Variants in KPNB1 observed in about 807,000 individuals in gnomAD.
The protein encoded by KPNB1 is importin subunit beta-1.
KPNB1 carries 7 observed loss-of-function variants against 113.0 expected under a neutral mutation model. The ratio of observed to expected loss-of-function variants is 0.06; its 90% confidence interval spans 0.04 to 0.12. The LOEUF (loss-of-function observed/expected upper bound fraction) is 0.12, where lower values mean the gene tolerates loss of function less well. Among genes scored for constraint, KPNB1 ranks in the 10% least tolerant of loss-of-function variants. The pLI, the probability that KPNB1 is intolerant of heterozygous loss-of-function variation, is 1.00. For synonymous variants in KPNB1, 363 were observed against 378.6 expected (o/e 0.96, Z 0.48); for missense variants, 400 against 1,054.8 (o/e 0.38, Z 8.60).
At chr17:47,657,141 A>G (rs2143100818) in intron 4 of KPNB1, 81 bp downstream of exon 4, 3 of 1,168,490 alleles carry the variant, frequency 2.6e-6, no homozygotes, top group East Asian at 5.1e-5. Flanking sequence ...GTACTACCTT[A>G]TTGAATCACG....
At chr17:47,667,877 C>A (rs985267091) in intron 9 of KPNB1, among the ~76,000 whole-genome samples, 1 of 152,146 alleles carries the variant, frequency 6.6e-6, no homozygotes, top group African/African-American at 2.4e-5. Flanking sequence ...CTTTACATAA[C>A]TGGAATCATA....
intron 4 of KPNB1, among the ~76,000 whole-genome samples, chr17:47,657,756 G>C (rs1567888511): frequency 6.6e-6 from 1 of 152,230 alleles, no homozygotes; most frequent in Non-Finnish European, 1.5e-5. Flanking sequence ...ATTATGCTAA[G>C]AAGTCAAAGA....
chr17:47,680,497 G>A lies in KPNB1; in HGVS notation c.2469-11G>A. The A allele has an allele frequency of 6.2e-7, 1 of 1,613,982 alleles. No homozygotes were observed. Among genetic ancestry groups the A allele is most frequent in the Non-Finnish European group, 8.5e-7 (1 of 1,179,896 alleles). Reference sequence around the variant, plus strand: ...TAGGAGCTCATTCTCAGCTGTGTTTGTTTTGCACAGGGACTTATGTACAGC... The same window carrying A: ...TAGGAGCTCATTCTCAGCTGTGTTTATTTTGCACAGGGACTTATGTACAGC... On this transcript the variant is annotated splice_polypyrimidine_tract_variant and intron_variant, in intron 20 of 21. Coordinates refer to ENST00000290158, the MANE Select transcript of KPNB1 (RefSeq NM_002265.6).
intron 9 of KPNB1, among the ~76,000 whole-genome samples, chr17:47,666,559 TATA>T (rs2030290708): frequency 1.4e-5 from 2 of 144,920 alleles, no homozygotes; most frequent in African/African-American, 2.5e-5. Flanking sequence ...TATATTATGT[TATA>T]TGTTATATAT....
At chr17:47,668,104 C>T in intron 9 of KPNB1, 82 bp from the exon 10 acceptor site, 3 of 1,047,438 alleles carry the variant, frequency 2.9e-6, no homozygotes, top group Non-Finnish European at 4.3e-6. Flanking sequence ...GTTCTAAAGA[C>T]ATTCAAGAGT....
At chr17:47,654,181 G>A (rs1017510218) in intron 3 of KPNB1, among the ~76,000 whole-genome samples, 1 of 152,098 alleles carries the variant, frequency 6.6e-6, no homozygotes, top group South Asian at 2.1e-4. Flanking sequence ...TTGAGAGGCC[G>A]AGGTGGGTGG....
In KPNB1 at chr17:47,652,622, G is replaced by A. The variant is rs1056527008; in HGVS notation, c.100-72G>A. 22 of 1,284,508 alleles carry A rather than the reference G, an allele frequency of 1.7e-5. No individual in the cohort carries two copies. The African/African-American group carries it at 2.3e-4, about 13-fold the overall frequency. 79.6% of individuals were successfully genotyped at this position (1,284,508 alleles called of 1,614,324 possible). Reference sequence around the variant, plus strand: ...CTCGCCGCCCCTCTGGTGGTTCAGTGCTCTATAAATTATCCTCAGTTGTGG... The same window carrying A: ...CTCGCCGCCCCTCTGGTGGTTCAGTACTCTATAAATTATCCTCAGTTGTGG... On this transcript the variant is annotated intron_variant, in intron 2 of 21. Transcript: ENST00000290158.
intron 3 of KPNB1, among the ~76,000 whole-genome samples, chr17:47,655,930 A>G (rs1370766306): frequency 6.6e-6 from 1 of 152,132 alleles, no homozygotes; most frequent in Non-Finnish European, 1.5e-5. Flanking sequence ...GTTTTTTCTG[A>G]CAGCCTTTCC....
chr17:47,679,987 G>T (rs144626647), intron 19 of KPNB1, 33 bp from the exon 20 acceptor site: 17 of 1,466,878 alleles, frequency 1.2e-5, no homozygotes, highest in Non-Finnish European at 1.6e-5. Context: ...ATGAGCCACC[G>T]CACCCGACCA....
intron 5 of KPNB1, among the ~76,000 whole-genome samples, chr17:47,659,900 A>C (rs554219396): frequency 6.7e-6 from 1 of 148,480 alleles, no homozygotes; most frequent in Non-Finnish European, 1.5e-5. Context: ...TCTGTCTCCA[A>C]AAAAAAAAAA....
At chr17:47,654,841 T>C (rs886778517) in intron 3 of KPNB1, among the ~76,000 whole-genome samples, 3 of 152,216 alleles carry the variant, frequency 2.0e-5, no homozygotes, top group African/African-American at 7.2e-5. Flanking sequence ...ATAATACCCA[T>C]TCAGCCCCTG....
chr17:47,675,361 G>GTTTTTGTTTTTTTT lies in KPNB1; in HGVS notation c.1912+584_1912+585insGTTTTTTTTTTTTT, dbSNP rs2030568124. On this transcript the variant is annotated intron_variant, in intron 15 of 21. Coordinates refer to ENST00000290158, the MANE Select transcript of KPNB1 (RefSeq NM_002265.6). Reference sequence around the variant, plus strand: ...TGCAACGGAGATTGGCAGAGGTGTTGTTTTTTTTTTGTTTTTTTTTTTTGT... The same window carrying GTTTTTGTTTTTTTT: ...TGCAACGGAGATTGGCAGAGGTGTTGTTTTTGTTTTTTTTTTTTTTTTTTGTTTTTTTTTTTTGT... 4.8e-4 allele frequency among the ~76,000 whole-genome samples: 43 copies of GTTTTTGTTTTTTTT among 88,686 alleles called. 1 individual carries two copies. Among genetic ancestry groups the GTTTTTGTTTTTTTT allele is most frequent in the East Asian group, 2.3e-3 (8 of 3,434 alleles). The allele number at this position is 88,686 out of a possible 152,430, so 58.2% of individuals were successfully genotyped here.
At chr17:47,662,479 A>T (rs1286318098) in intron 6 of KPNB1, among the ~76,000 whole-genome samples, 2 of 151,568 alleles carry the variant, frequency 1.3e-5, no homozygotes, top group Non-Finnish European at 2.9e-5. Context: ...GGGAGGCTGA[A>T]GTGGGAGGAT....
chr17:47,677,206 AG>A, intron 17 of KPNB1, 79 bp downstream of exon 17: 1 of 1,057,862 alleles, frequency 9.5e-7, no homozygotes, highest in Non-Finnish European at 1.4e-6. Context: ...AATATCGACC[AG>A]GCTGGGCGCA....
rs918776881 is a variant in KPNB1 at position 47,685,439 on chromosome 17, G to A, written c.*3035G>A. 8 of 151,544 alleles carry A rather than the reference G, an allele frequency of 5.3e-5. No homozygotes were observed. The highest frequency in any genetic ancestry group is 1.2e-4 in the African/African-American group (5 of 41,170). 9.4% of individuals were successfully genotyped at this position (151,544 alleles called of 1,614,324 possible). A position where few individuals can be genotyped will look rare whatever the true frequency, so the allele number is the denominator to read the frequency against. On this transcript the variant is annotated 3_prime_UTR_variant, in exon 22 of 22. Coordinates refer to ENST00000290158, the MANE Select transcript of KPNB1 (RefSeq NM_002265.6). ...CCTGTAAAACACTTGAGCCCAACTC[G>A]ATTAACCAAAACCGATAACCACCAC...
At chr17:47,655,818 G>T in intron 3 of KPNB1, among the ~76,000 whole-genome samples, 1 of 152,102 alleles carries the variant, frequency 6.6e-6, no homozygotes, top group Non-Finnish European at 1.5e-5. Flanking sequence ...TGTAACTTCT[G>T]GTTTCCCACC....
chr17:47,659,208 G>A (rs112221321), intron 5 of KPNB1, among the ~76,000 whole-genome samples: 16 of 152,094 alleles, frequency 1.1e-4, no homozygotes, highest in Admixed American at 3.3e-4. Flanking sequence ...AATTAGCCGG[G>A]TGTGGTGGCG....
At chr17:47,652,596 C>G in intron 2 of KPNB1, 98 bp from the exon 3 acceptor site, 1 of 909,070 alleles carries the variant, frequency 1.1e-6, no homozygotes, top group East Asian at 2.8e-5. Context: ...TAGTTCCCCC[C>G]CTCGCCGCCC....
At chr17:47,667,276 G>A (rs1186966669) in intron 9 of KPNB1, among the ~76,000 whole-genome samples, 2 of 151,864 alleles carry the variant, frequency 1.3e-5, no homozygotes, top group African/African-American at 4.8e-5. Context: ...ACAGGTGTGT[G>A]CCACTATACC....
Sources: allele counts gnomAD v4.1 joint callset (sites outside exome capture counted in the v4.1 genomes callset), GRCh38; gene constraint gnomAD v4.1.1; transcripts MANE v1.5; gene names NCBI Gene and HGNC (gene_info 2026-07-23, HGNC 2026-07-21).